The following RGPD2 variants were observed in gnomAD, a reference collection of about 807,000 sequenced individuals.
RGPD2 encodes RANBP2-like and GRIP domain-containing protein 2.
A neutral mutation model predicts 36.0 loss-of-function variants in RGPD2; 2 were observed. That is an observed-to-expected ratio of 0.06 (90% CI 0.02 to 0.17). RGPD2 has a LOEUF of 0.17. Among genes scored for constraint, RGPD2 ranks in the 10% least tolerant of loss-of-function variants. RGPD2 has a pLI of 1.00. For synonymous variants in RGPD2, 19 were observed against 163.8 expected (o/e 0.12, Z 6.75); for missense variants, 40 against 464.3 (o/e 0.09, Z 8.40).
At chr2:87,923,490 T>A in the RGPD2 span, among the ~76,000 whole-genome samples, 1 of 152,254 alleles carries the variant, frequency 6.6e-6, no homozygotes, top group Non-Finnish European at 1.5e-5. Flanking sequence ...GTTTTTAATG[T>A]AGTATTCTCA....
At chr2:87,842,335 G>A in the RGPD2 span, among the ~76,000 whole-genome samples, 16 of 148,294 alleles carry the variant, frequency 1.1e-4, no homozygotes, top group South Asian at 4.2e-4. Context: ...CAAAATCTCC[G>A]TAAGCTGATA....
the RGPD2 span, among the ~76,000 whole-genome samples, chr2:87,962,027 C>CAA: frequency 3.5e-4 from 38 of 108,390 alleles, 1 homozygote; most frequent in African/African-American, 1.1e-3. Context: ...ACACTTGTCT[C>CAA]AAAAAAAAAA....
the RGPD2 span, among the ~76,000 whole-genome samples, chr2:87,985,524 CA>C: frequency 6.6e-6 from 1 of 151,798 alleles, no homozygotes; most frequent in African/African-American, 2.4e-5. Flanking sequence ...TTCTAAAGCT[CA>C]GTAATTATAA....
chr2:87,861,361 T>C, the RGPD2 span, among the ~76,000 whole-genome samples: 1 of 152,178 alleles, frequency 6.6e-6, no homozygotes, highest in African/African-American at 2.4e-5. Flanking sequence ...TTCTTTTAAA[T>C]AATAAGCAAC....
the RGPD2 span, among the ~76,000 whole-genome samples, chr2:87,870,599 G>A: frequency 2.6e-5 from 4 of 152,244 alleles, no homozygotes; most frequent in East Asian, 1.9e-4. Context: ...GACATTTGGC[G>A]ACCCTACTCT....
At chr2:87,937,742 T>G in the RGPD2 span, among the ~76,000 whole-genome samples, 2 of 151,878 alleles carry the variant, frequency 1.3e-5, no homozygotes, top group East Asian at 3.9e-4. Context: ...ATTAGAGGGT[T>G]AGGTAGATTG....
the RGPD2 span, among the ~76,000 whole-genome samples, chr2:87,858,201 CTG>C: frequency 3.3e-5 from 5 of 151,992 alleles, no homozygotes; most frequent in Admixed American, 3.3e-4. Flanking sequence ...TTGCTTGAAC[CTG>C]GGAGGCAGAG....
the RGPD2 span, among the ~76,000 whole-genome samples, chr2:87,860,958 T>C: frequency 2.0e-5 from 3 of 152,012 alleles, no homozygotes; most frequent in Admixed American, 6.6e-5. Context: ...CTTGTCATTA[T>C]TATTCAGATT....
At chr2:87,760,838 C>T (rs1242568657) in intron 22 of RGPD2, among the ~76,000 whole-genome samples, 2 of 140,028 alleles carry the variant, frequency 1.4e-5, no homozygotes, top group African/African-American at 2.6e-5. Flanking sequence ...AGGATGGTCT[C>T]GATCTCCTGA....
intron 22 of RGPD2, among the ~76,000 whole-genome samples, chr2:87,763,302 C>A (rs1457706484): frequency 6.7e-6 from 1 of 149,662 alleles, no homozygotes; most frequent in East Asian, 2.0e-4. Flanking sequence ...GGACTACAGG[C>A]GCCTGCCAAC....
chr2:87,876,506 G>A, the RGPD2 span, among the ~76,000 whole-genome samples: 1,747 of 152,018 alleles, frequency 0.011, 3 homozygotes, highest in African/African-American at 0.04. Context: ...ATTAAGGAGC[G>A]GATCGCTCAA....
chr2:87,935,136 T>C, the RGPD2 span, among the ~76,000 whole-genome samples: 2 of 139,762 alleles, frequency 1.4e-5, no homozygotes, highest in South Asian at 2.4e-4. Flanking sequence ...TTTCAGGGCA[T>C]GTGTGCATGG....
chr2:87,824,293 CA>C (rs1171970060), intron 1 of RGPD2, among the ~76,000 whole-genome samples: 1 of 151,620 alleles, frequency 6.6e-6, no homozygotes, highest in African/African-American at 2.4e-5. Context: ...TTAAGAAGGG[CA>C]AAAGCACATG....
At chr2:87,963,209 G>T in the RGPD2 span, among the ~76,000 whole-genome samples, 1 of 152,232 alleles carries the variant, frequency 6.6e-6, no homozygotes, top group African/African-American at 2.4e-5. Context: ...CAGGTGATAG[G>T]TGAAACCACA....
the RGPD2 span, among the ~76,000 whole-genome samples, chr2:87,879,435 CA>C: frequency 6.9e-6 from 1 of 145,870 alleles, no homozygotes; most frequent in Non-Finnish European, 1.5e-5. Flanking sequence ...ACTCATTAAC[CA>C]TCCTCACATC....
the RGPD2 span, among the ~76,000 whole-genome samples, chr2:87,935,643 C>A: frequency 1.3e-5 from 2 of 151,248 alleles, no homozygotes; most frequent in Non-Finnish European, 3.0e-5. Flanking sequence ...GAGAAGTACT[C>A]ACATAAAGAA....
At chr2:87,967,161 A>T in the RGPD2 span, among the ~76,000 whole-genome samples, 1 of 133,232 alleles carries the variant, frequency 7.5e-6, no homozygotes, top group Admixed American at 7.5e-5. Flanking sequence ...TAATCCCCGC[A>T]CTTTGGGAGG....
the RGPD2 span, among the ~76,000 whole-genome samples, chr2:87,916,950 A>AG: frequency 2.0e-5 from 3 of 152,146 alleles, no homozygotes; most frequent in African/African-American, 7.2e-5. Flanking sequence ...TAAGGAAGAT[A>AG]GCCTGTGACA....
the RGPD2 span, among the ~76,000 whole-genome samples, chr2:87,958,189 G>A: frequency 6.6e-6 from 1 of 151,888 alleles, no homozygotes; most frequent in African/African-American, 2.4e-5. Context: ...TTACATAGTG[G>A]AGAAGGTATA....
Sources: gnomAD v4.1 joint callset for allele counts (sites outside exome capture counted in the v4.1 genomes callset) on GRCh38, gnomAD v4.1.1 for gene constraint, MANE v1.5 for transcripts, NCBI Gene and HGNC (gene_info 2026-07-23, HGNC 2026-07-21) for gene names.